The following APBB2 variants were observed in gnomAD, a reference collection of about 807,000 sequenced individuals.
APBB2 encodes amyloid beta precursor protein binding family B member 2.
APBB2 carries 38 observed loss-of-function variants against 82.5 expected under a neutral mutation model. That is an observed-to-expected ratio of 0.46 (90% CI 0.36 to 0.60). The LOEUF is 0.60. Among genes scored for constraint, APBB2 ranks in the 20% least tolerant of loss-of-function variants. APBB2 has a pLI of 0.00. For synonymous variants in APBB2, 341 were observed against 368.2 expected (o/e 0.93, Z 0.85); for missense variants, 772 against 972.3 (o/e 0.79, Z 2.74).
intron 2 of APBB2, among the ~76,000 whole-genome samples, chr4:41,112,854 G>A (rs898392872): frequency 3.9e-5 from 6 of 152,102 alleles, no homozygotes; most frequent in African/African-American, 1.4e-4. Flanking sequence ...GGGTGTGGTG[G>A]CATGCACCTG....
At chr4:41,189,463 A>C (rs1396402427) in intron 1 of APBB2, among the ~76,000 whole-genome samples, 1 of 152,188 alleles carries the variant, frequency 6.6e-6, no homozygotes, top group African/African-American at 2.4e-5. Flanking sequence ...AGTACACCTA[A>C]GATCTGTGTG....
intron 12 of APBB2, chr4:40,857,220 CT>C: frequency 2.0e-6 from 2 of 979,746 alleles, no homozygotes; most frequent in Non-Finnish European, 2.4e-6. Flanking sequence ...CGCCCATTGG[CT>C]GCTGGGGAGG....
At chr4:41,082,202 C>T (rs1461425712) in intron 3 of APBB2, among the ~76,000 whole-genome samples, 6 of 152,212 alleles carry the variant, frequency 3.9e-5, no homozygotes. Context: ...GGTATGTCCA[C>T]ACCTCATAAC....
At chr4:41,046,204 T>C (rs2154452187) in intron 4 of APBB2, among the ~76,000 whole-genome samples, 1 of 152,310 alleles carries the variant, frequency 6.6e-6, no homozygotes, top group East Asian at 1.9e-4. Context: ...GTGAAAAGGA[T>C]GACAGCAACC....
intron 10 of APBB2, among the ~76,000 whole-genome samples, chr4:40,922,810 G>T (rs2154369066): frequency 6.6e-6 from 1 of 150,674 alleles, no homozygotes; most frequent in East Asian, 1.9e-4. Flanking sequence ...TATAGAAGGG[G>T]GCTCACTATG....
intron 1 of APBB2, among the ~76,000 whole-genome samples, chr4:41,160,114 C>T (rs955228288): frequency 6.6e-6 from 1 of 151,886 alleles, no homozygotes; most frequent in Non-Finnish European, 1.5e-5. Flanking sequence ...AAAACAAGGC[C>T]ACGGAGGTGA....
chr4:41,119,484 A>G (rs1017573266), intron 2 of APBB2, among the ~76,000 whole-genome samples: 3 of 151,332 alleles, frequency 2.0e-5, no homozygotes, highest in African/African-American at 7.3e-5. Flanking sequence ...TCCTCTAACA[A>G]GTAAAGTAAG....
At chr4:40,830,389 C>G (rs546833837) in intron 13 of APBB2, 74 bp downstream of exon 13, 1 of 1,029,716 alleles carries the variant, frequency 9.7e-7, no homozygotes, top group East Asian at 2.4e-5. Flanking sequence ...TGCCCACTCC[C>G]CCGCCCTTCC....
chr4:40,982,452 AGAAT>A (rs367971087), intron 6 of APBB2, among the ~76,000 whole-genome samples: 2,470 of 87,770 alleles, frequency 0.028, 674 homozygotes, highest in African/African-American at 0.046. Flanking sequence ...AAAGAAAGAA[AGAAT>A]GAATGAATTT....
At chr4:41,055,845 C>T (rs938125792) in intron 4 of APBB2, among the ~76,000 whole-genome samples, 6 of 152,220 alleles carry the variant, frequency 3.9e-5, no homozygotes, top group South Asian at 2.1e-4. Flanking sequence ...AAAGTATACA[C>T]ATTAAGTGCT....
At chr4:41,028,850 C>T (rs62412144) in intron 5 of APBB2, among the ~76,000 whole-genome samples, 6,953 of 152,280 alleles carry the variant, frequency 0.046, 328 homozygotes, top group African/African-American at 0.12. Flanking sequence ...GGCCCTGTAA[C>T]TCGGACCACA....
intron 2 of APBB2, among the ~76,000 whole-genome samples, chr4:41,136,941 C>T (rs1050500579): frequency 1.3e-5 from 2 of 152,102 alleles, no homozygotes; most frequent in South Asian, 2.1e-4. Context: ...GCATCCATAA[C>T]GCAGTTGTAA....
chr4:40,931,721 T>A (rs1784267377), intron 10 of APBB2, among the ~76,000 whole-genome samples: 2 of 152,142 alleles, frequency 1.3e-5, no homozygotes, highest in African/African-American at 4.8e-5. Flanking sequence ...TCATTCTCCC[T>A]AGGCTGATCT....
At chr4:40,822,165 C>T in intron 16 of APBB2, 115 bp from the exon 17 acceptor site, 1 of 1,260,166 alleles carries the variant, frequency 7.9e-7, no homozygotes, top group Admixed American at 2.1e-5. Context: ...CAGAAAGGAC[C>T]TGTGTTTTTC....
At chr4:40,974,309 C>A (rs1346852521) in intron 6 of APBB2, among the ~76,000 whole-genome samples, 2 of 152,256 alleles carry the variant, frequency 1.3e-5, no homozygotes, top group East Asian at 3.9e-4. Context: ...TGGGCGGACA[C>A]AATTCAACTT....
intron 1 of APBB2, among the ~76,000 whole-genome samples, chr4:41,200,832 A>G (rs900432421): frequency 6.6e-6 from 1 of 152,256 alleles, no homozygotes; most frequent in African/African-American, 2.4e-5. Flanking sequence ...GTTACAATCT[A>G]GTAGCTCTTG....
chr4:41,022,501 T>G (rs1343436964), intron 5 of APBB2, among the ~76,000 whole-genome samples: 1 of 152,178 alleles, frequency 6.6e-6, no homozygotes, highest in East Asian at 1.9e-4. Flanking sequence ...TTCCTACTCC[T>G]CTTTGAAGAT....
At chr4:40,988,658 C>A (rs74956918) in intron 6 of APBB2, among the ~76,000 whole-genome samples, 5 of 39,018 alleles carry the variant, frequency 1.3e-4, no homozygotes, top group Admixed American at 4.3e-4. Context: ...AAAAAAAAGA[C>A]TGTCTCAAAA....
In APBB2 at chr4:41,013,839, G is replaced by A. The variant is rs1809100143; in HGVS notation, c.579C>T (p.Val193=). 2 of 1,614,060 alleles carry A rather than the reference G, an allele frequency of 1.2e-6. No homozygotes were observed. Among genetic ancestry groups the A allele is most frequent in the African/African-American group, 2.7e-5 (2 of 74,918 alleles). ...CAATGATGGTGGAGGCCTGGCCCTG[G>A]ACTGGCTGGGATTTCTCTTCCGCAG... ...HGTAEEKSQP[V]QGQASTIIGN... The change falls in exon 6 of 18, where the codon GTC becomes GTT. Residue 193 remains valine (V), a synonymous_variant. Transcript: ENST00000508593.
Sources: allele counts gnomAD v4.1 joint callset (sites outside exome capture counted in the v4.1 genomes callset), GRCh38; gene constraint gnomAD v4.1.1; transcripts MANE v1.5; gene names NCBI Gene and HGNC (gene_info 2026-07-23, HGNC 2026-07-21).